Variants in OPCML observed in about 807,000 individuals in gnomAD.
OPCML encodes the protein opioid-binding protein/cell adhesion molecule.
In OPCML, 13 loss-of-function variants were observed where a neutral mutation model predicts 37.8. That is an observed-to-expected ratio of 0.34 (90% CI 0.22 to 0.55). The LOEUF (loss-of-function observed/expected upper bound fraction) is 0.55. Among genes scored for constraint, OPCML ranks in the 20% least tolerant of loss-of-function variants. The probability of loss-of-function intolerance (pLI) is 0.91; values close to 1 mark genes in which losing one functional copy is unlikely to be tolerated. For missense variants in OPCML, 341 were observed against 435.6 expected (o/e 0.78, Z 1.93); for synonymous variants, 176 against 168.8 (o/e 1.04, Z -0.33).
chr11:132,813,452 C>A (rs952668287), intron 2 of OPCML, among the ~76,000 whole-genome samples: 1 of 152,126 alleles, frequency 6.6e-6, no homozygotes. Flanking sequence ...GCACCATAAC[C>A]GTCATTTTAC....
At chr11:133,154,528 T>C (rs1950029884) in intron 1 of OPCML, among the ~76,000 whole-genome samples, 1 of 152,090 alleles carries the variant, frequency 6.6e-6, no homozygotes, top group African/African-American at 2.4e-5. Flanking sequence ...CTTCATCCCA[T>C]TGTTATTTTT....
chr11:132,501,894 A>T (rs558757742), intron 4 of OPCML, among the ~76,000 whole-genome samples: 1 of 152,342 alleles, frequency 6.6e-6, no homozygotes, highest in African/African-American at 2.4e-5. Flanking sequence ...TCTTGAAGTT[A>T]TACAAATGCT....
chr11:133,358,009 C>T (rs1362987305), intron 1 of OPCML, among the ~76,000 whole-genome samples: 2 of 152,126 alleles, frequency 1.3e-5, no homozygotes, highest in Non-Finnish European at 2.9e-5. Context: ...CACTCCAGTG[C>T]GAGGGCCCCT....
rs1190781926 is a variant in OPCML at position 132,436,180 on chromosome 11, C to T, written c.822G>A (p.Leu274=). 1 of 1,614,196 alleles carries T rather than the reference C, an allele frequency of 6.2e-7. No homozygotes were observed. The highest frequency in any genetic ancestry group is 1.7e-5 in the Admixed American group (1 of 60,022). ...RIENKGRMST[L]TFFNVSEKDY... is the part of the protein sequence containing the mutation. ...CCTTTTCTGAAACATTGAAGAAAGT[C>T]AGAGTGGACATGCGGCCTTTGTTTT... The change falls in exon 7 of 8, where the codon CTG becomes CTA. Residue 274 remains leucine, a synonymous_variant. Transcript: ENST00000524381.
At chr11:133,340,606 C>CTGTGTGTG (rs1329882456) in intron 1 of OPCML, among the ~76,000 whole-genome samples, 1 of 109,288 alleles carries the variant, frequency 9.2e-6, no homozygotes, top group African/African-American at 4.0e-5. Context: ...TTAAGACTCT[C>CTGTGTGTG]TCTGTGTGTG....
chr11:133,384,933 C>T (rs1468589396), intron 1 of OPCML, among the ~76,000 whole-genome samples: 3 of 152,208 alleles, frequency 2.0e-5, no homozygotes, highest in African/African-American at 2.4e-5. Flanking sequence ...CAAAGCACTG[C>T]GTTGGAGGGG....
rs117252922 is a variant in OPCML, at chr11:132,572,269, A to G, written c.380-43083T>C. 1.3e-4 allele frequency among the ~76,000 whole-genome samples: 20 copies of G among 152,108 alleles called. No individual in the cohort carries two copies. The East Asian group carries it at 3.9e-3, about 29-fold the overall frequency. On this transcript the variant is annotated intron_variant, in intron 3 of 7. Coordinates refer to ENST00000524381, the MANE Select transcript of OPCML (RefSeq NM_001012393.5). ...TTCCTTTGCTTTGCTTTTTAGTTGG[A>G]TATAGCCCCCACCTGTTGCCTGTGC...
At chr11:133,030,919 T>A (rs552845685) in intron 1 of OPCML, among the ~76,000 whole-genome samples, 3 of 152,210 alleles carry the variant, frequency 2.0e-5, no homozygotes, top group African/African-American at 7.2e-5. Flanking sequence ...TATAACAATA[T>A]ATATTTAAAA....
chr11:133,192,843 T>C (rs1393736090), intron 1 of OPCML, among the ~76,000 whole-genome samples: 1 of 151,996 alleles, frequency 6.6e-6, no homozygotes, highest in Non-Finnish European at 1.5e-5. Context: ...TCAACAGCAT[T>C]AGTTGCTTCG....
intron 2 of OPCML, among the ~76,000 whole-genome samples, chr11:132,911,681 C>T (rs1363565782): frequency 6.6e-6 from 1 of 152,226 alleles, no homozygotes; most frequent in African/African-American, 2.4e-5. Flanking sequence ...CCTCACACTC[C>T]ATAGCCTCTT....
intron 3 of OPCML, among the ~76,000 whole-genome samples, chr11:132,623,382 A>G (rs1443365349): frequency 6.6e-6 from 1 of 152,060 alleles, no homozygotes; most frequent in Non-Finnish European, 1.5e-5. Flanking sequence ...CAACAAAAAA[A>G]CAGAGCTGAT....
chr11:132,877,656 G>A (rs988750426), intron 2 of OPCML, among the ~76,000 whole-genome samples: 14 of 152,130 alleles, frequency 9.2e-5, no homozygotes, highest in African/African-American at 2.4e-4. Flanking sequence ...TGGCTGGAAC[G>A]GAGATGTGGC....
intron 1 of OPCML, among the ~76,000 whole-genome samples, chr11:133,281,913 A>G (rs1186747110): frequency 2.6e-5 from 4 of 152,138 alleles, no homozygotes; most frequent in African/African-American, 9.7e-5. Flanking sequence ...TGAACTTAAG[A>G]GTGACAACTC....
intron 3 of OPCML, among the ~76,000 whole-genome samples, chr11:132,581,193 T>C (rs1030705650): frequency 6.6e-6 from 1 of 152,214 alleles, no homozygotes; most frequent in Non-Finnish European, 1.5e-5. Context: ...TAGATCATCA[T>C]GAAGGTGAAG....
intron 1 of OPCML, among the ~76,000 whole-genome samples, chr11:133,291,385 C>A (rs1942468479): frequency 6.6e-6 from 1 of 152,152 alleles, no homozygotes; most frequent in African/African-American, 2.4e-5. Context: ...CCTGCGTCCA[C>A]TGCACCAGCA....
intron 1 of OPCML, among the ~76,000 whole-genome samples, chr11:133,359,338 C>A (rs893453966): frequency 6.6e-6 from 1 of 152,108 alleles, no homozygotes; most frequent in African/African-American, 2.4e-5. Flanking sequence ...CCTTTCCATT[C>A]TTTTTTGTAA....
At chr11:132,421,740 C>T (rs141628190) in intron 7 of OPCML, among the ~76,000 whole-genome samples, 234 of 152,226 alleles carry the variant, frequency 1.5e-3, no homozygotes, top group Non-Finnish European at 2.6e-3. Context: ...CAGGTTGTAG[C>T]GACATGTTAA....
intron 1 of OPCML, among the ~76,000 whole-genome samples, chr11:132,984,287 ATAAT>A (rs1031204692): frequency 6.6e-6 from 1 of 152,240 alleles, no homozygotes; most frequent in African/African-American, 2.4e-5. Context: ...TAACTACTCG[ATAAT>A]TATTCATTTA....
intron 1 of OPCML, among the ~76,000 whole-genome samples, chr11:133,480,189 G>C (rs1177397544): frequency 6.6e-6 from 1 of 152,152 alleles, no homozygotes; most frequent in Non-Finnish European, 1.5e-5. Context: ...TACATCTACA[G>C]CTAACCCATG....
Sources: allele counts gnomAD v4.1 joint callset (sites outside exome capture counted in the v4.1 genomes callset), GRCh38; gene constraint gnomAD v4.1.1; transcripts MANE v1.5; gene names NCBI Gene and HGNC (gene_info 2026-07-23, HGNC 2026-07-21).